DGKB: variants seen among roughly 807,000 people sequenced by gnomAD.
The protein encoded by DGKB is 90 kDa diacylglycerol kinase.
A neutral mutation model predicts 114.3 loss-of-function variants in DGKB; 67 were observed. That is an observed-to-expected ratio of 0.59 (90% CI 0.48 to 0.72). The LOEUF (loss-of-function observed/expected upper bound fraction) is 0.72. Among genes scored for constraint, DGKB ranks in the 30% least tolerant of loss-of-function variants. The pLI is 0.00. For synonymous variants in DGKB, 398 were observed against 323.1 expected, an observed-to-expected ratio of 1.23 and a Z score of -2.49; for missense variants, 907 against 975.2, an observed-to-expected ratio of 0.93 and a Z score of 0.93.
At chr7:14,634,449 A>C (rs1810341220) in intron 13 of DGKB, among the ~76,000 whole-genome samples, 2 of 149,354 alleles carry the variant, frequency 1.3e-5, no homozygotes, top group South Asian at 4.2e-4. Context: ...AAGAATGAAA[A>C]ATATTTAGAA....
chr7:14,819,897 T>C (rs2128099957), intron 2 of DGKB, among the ~76,000 whole-genome samples: 1 of 152,222 alleles, frequency 6.6e-6, no homozygotes, highest in Non-Finnish European at 1.5e-5. Flanking sequence ...AGAAATGCAA[T>C]GAATTCCAGA....
At chr7:14,447,231 C>A (rs1025129434) in intron 21 of DGKB, among the ~76,000 whole-genome samples, 3 of 146,186 alleles carry the variant, frequency 2.1e-5, no homozygotes, top group South Asian at 4.4e-4. Context: ...AGAAATAGAA[C>A]TCAGCCCCTT....
intron 4 of DGKB, among the ~76,000 whole-genome samples, chr7:14,740,137 C>A (rs147781537): frequency 6.6e-6 from 1 of 152,228 alleles, no homozygotes; most frequent in Non-Finnish European, 1.5e-5. Context: ...CCTCCCTTGG[C>A]CAAGGAGTCC....
At chr7:14,800,945 G>C (rs2128048260) in intron 2 of DGKB, among the ~76,000 whole-genome samples, 1 of 152,210 alleles carries the variant, frequency 6.6e-6, no homozygotes, top group South Asian at 2.1e-4. Context: ...GAAAGCAAGA[G>C]AATACAGCAT....
chr7:14,277,124 T>C (rs1308875880), intron 23 of DGKB, among the ~76,000 whole-genome samples: 1 of 152,012 alleles, frequency 6.6e-6, no homozygotes, highest in African/African-American at 2.4e-5. Context: ...CAACAACTCG[T>C]TATTCCTTTC....
intron 6 of DGKB, among the ~76,000 whole-genome samples, chr7:14,706,254 A>T (rs1261097995): frequency 4.8e-4 from 71 of 147,076 alleles, no homozygotes; most frequent in East Asian, 4.0e-4. Context: ...TCAATTCAAC[A>T]AGAAGAGCTA....
intron 23 of DGKB, among the ~76,000 whole-genome samples, chr7:14,297,777 A>C (rs1453878718): frequency 6.6e-6 from 1 of 152,204 alleles, no homozygotes; most frequent in Non-Finnish European, 1.5e-5. Flanking sequence ...CTCTGGCTGC[A>C]GACGACATGA....
At chr7:14,364,073 A>G (rs77476866) in intron 21 of DGKB, among the ~76,000 whole-genome samples, 2,566 of 152,148 alleles carry the variant, frequency 0.017, 75 homozygotes, top group African/African-American at 0.059. Context: ...GACTCAGTAC[A>G]ATACAAAGAA....
chr7:14,462,696 C>A (rs1289206424), intron 21 of DGKB, among the ~76,000 whole-genome samples: 1 of 152,106 alleles, frequency 6.6e-6, no homozygotes, highest in Non-Finnish European at 1.5e-5. Flanking sequence ...AATGCTATCC[C>A]CATCAAGCAA....
At chr7:14,820,848 G>C (rs1430280081) in intron 2 of DGKB, among the ~76,000 whole-genome samples, 1 of 152,096 alleles carries the variant, frequency 6.6e-6, no homozygotes, top group African/African-American at 2.4e-5. Context: ...GCACAATGTG[G>C]CTCGGTAATT....
At chr7:14,157,083 C>T (rs1244973664) in intron 25 of DGKB, among the ~76,000 whole-genome samples, 2 of 152,090 alleles carry the variant, frequency 1.3e-5, no homozygotes, top group East Asian at 1.9e-4. Context: ...AGTTTATTAT[C>T]ACTGAATTTA....
At chr7:14,761,032 A>T (rs1835611855) in intron 2 of DGKB, among the ~76,000 whole-genome samples, 1 of 152,176 alleles carries the variant, frequency 6.6e-6, no homozygotes, top group African/African-American at 2.4e-5. Flanking sequence ...GCTCTAGTTG[A>T]TATTCAGATG....
chr7:14,296,472 C>T (rs563550109), intron 23 of DGKB, among the ~76,000 whole-genome samples: 4 of 152,248 alleles, frequency 2.6e-5, no homozygotes, highest in Non-Finnish European at 4.4e-5. Flanking sequence ...CATATGTGTG[C>T]ATCTGTCTTT....
chr7:14,556,487 CA>C (rs1464094724), intron 20 of DGKB, among the ~76,000 whole-genome samples: 1 of 152,020 alleles, frequency 6.6e-6, no homozygotes, highest in Non-Finnish European at 1.5e-5. Context: ...TGTTGACTGA[CA>C]TAGTGAGAGA....
intron 23 of DGKB, among the ~76,000 whole-genome samples, chr7:14,202,709 T>G (rs1786098344): frequency 6.6e-6 from 1 of 152,054 alleles, no homozygotes; most frequent in Non-Finnish European, 1.5e-5. Context: ...TTGATACTAT[T>G]ATTAAAATTT....
intron 20 of DGKB, among the ~76,000 whole-genome samples, chr7:14,565,255 T>C (rs1797224857): frequency 6.6e-6 from 1 of 152,096 alleles, no homozygotes; most frequent in South Asian, 2.1e-4. Context: ...TATGGCCCAT[T>C]ATCATCATCA....
intron 13 of DGKB, among the ~76,000 whole-genome samples, chr7:14,670,090 C>A (rs1239229778): frequency 6.6e-6 from 1 of 151,942 alleles, no homozygotes; most frequent in Non-Finnish European, 1.5e-5. Flanking sequence ...CCTATTTGAT[C>A]TATAAATAAA....
intron 15 of DGKB, among the ~76,000 whole-genome samples, chr7:14,616,854 A>C (rs1176102339): frequency 6.6e-6 from 1 of 151,798 alleles, no homozygotes; most frequent in African/African-American, 2.4e-5. Flanking sequence ...GAAGAGAGAA[A>C]GTGTCTAGGA....
intron 20 of DGKB, among the ~76,000 whole-genome samples, chr7:14,532,801 C>T (rs1228458538): frequency 1.3e-5 from 2 of 151,450 alleles, no homozygotes; most frequent in African/African-American, 4.8e-5. Flanking sequence ...ATAGAACACC[C>T]CACCTACCAA....
Sources: allele counts gnomAD v4.1 joint callset (sites outside exome capture counted in the v4.1 genomes callset), GRCh38; gene constraint gnomAD v4.1.1; transcripts MANE v1.5; gene names NCBI Gene and HGNC (gene_info 2026-07-23, HGNC 2026-07-21).